The following FUS variants were observed in gnomAD, a reference collection of about 807,000 sequenced individuals.
FUS encodes FUS RNA binding protein, also known as RNA-binding protein FUS.
FUS carries 5 observed loss-of-function variants against 82.7 expected under a neutral mutation model. The ratio of observed to expected loss-of-function variants is 0.06; its 90% CI spans 0.03 to 0.13. The LOEUF (loss-of-function observed/expected upper bound fraction) is 0.13, where lower values mean the gene tolerates loss of function less well. Ranked by LOEUF, FUS falls within the 10% of genes least tolerant of loss-of-function variation. FUS has a pLI of 1.00. For missense variants in FUS, 512 were observed against 707.8 expected, an observed-to-expected ratio of 0.72 and a Z score of 3.14; for synonymous variants, 281 against 247.4, an observed-to-expected ratio of 1.14 and a Z score of -1.27.
rs2079302510 is a variant in FUS at position 31,188,366 on chromosome 16, A to G, written c.832+9A>G. The stretch of plus-strand genomic sequence containing the variant: ...ATCACGTCATGACTCCGGTGAGTTC[A>G]CACGTGGTGGCATGAAAAGAGTGGC... On this transcript the variant is annotated intron_variant, in intron 8 of 14. Coordinates refer to ENST00000254108, the MANE Select transcript of FUS (RefSeq NM_004960.4). The G allele has an allele frequency of 1.9e-6, 3 of 1,613,164 alleles. No individual in the cohort carries two copies. Among genetic ancestry groups the G allele is most frequent in the Non-Finnish European group, 2.5e-6 (3 of 1,179,746 alleles).
downstream of FUS, chr16:31,194,664 G>A (rs1004430396): frequency 1.6e-5 from 8 of 487,514 alleles, no homozygotes; most frequent in Non-Finnish European, 2.8e-5. Context: ...TCCTATTTCT[G>A]TACATGTACA....
At chr16:31,192,952 G>A (rs2079380684), downstream of FUS, 1 of 485,102 alleles carries the variant, frequency 2.1e-6, no homozygotes, top group Non-Finnish European at 4.1e-6. Flanking sequence ...GGTGATTTGA[G>A]GCACAGAAAC....
chr16:31,187,030 C>CTA, intron 7 of FUS, 194 bp downstream of exon 7: 1 of 641,838 alleles, frequency 1.6e-6, no homozygotes, highest in Admixed American at 2.4e-5. Context: ...GGGTAAGACT[C>CTA]AATAGTCATC....
chr16:31,182,654 G>T lies in FUS; in HGVS notation c.180G>T (p.Gln60His). The T allele has an allele frequency of 1.9e-6, 3 of 1,614,216 alleles. No individual in the cohort carries two copies. Among genetic ancestry groups the T allele is most frequent in the East Asian group, 4.5e-5 (2 of 44,884 alleles). ...YGQSSYSSYGQSQNTGYGTQS... is the reference protein window; with the variant it reads ...YGQSSYSSYGHSQNTGYGTQS... ...AGAGCAGCTATTCTTCTTATGGCCA[G>T]AGCCAGAACAGTGAGTCTTTCTCAG... is the stretch of plus-strand genomic sequence containing the variant. The change falls in exon 3 of 15, where the codon CAG becomes CAT. Residue 60 changes from glutamine to histidine, a missense_variant. Around this residue, in one of 6 missense-constraint regions of FUS, gnomAD observed 276 missense variants for 303.3 expected, o/e 0.91. Coordinates refer to ENST00000254108, the MANE Select transcript of FUS (RefSeq NM_004960.4).
intron 9 of FUS, among the ~76,000 whole-genome samples, 198 bp from the exon 10 acceptor site, chr16:31,189,467 A>T (rs2079319820): frequency 6.6e-6 from 1 of 152,218 alleles, no homozygotes; most frequent in African/African-American, 2.4e-5. Flanking sequence ...ACTCTATAGT[A>T]ACTTTTAGTT....
chr16:31,193,144 G>C (rs1234025431), downstream of FUS: 1 of 485,764 alleles, frequency 2.1e-6, no homozygotes, highest in African/African-American at 2.0e-5. Flanking sequence ...GTTTCTCCAT[G>C]TTGGTCAGGC....
intron 3 of FUS, 61 bp from the exon 4 acceptor site, chr16:31,183,797 C>G: frequency 6.2e-7 from 1 of 1,600,906 alleles, no homozygotes. Context: ...TTCTTTAACC[C>G]ATTCCTTACA....
intron 1 of FUS, among the ~76,000 whole-genome samples, chr16:31,181,435 A>T (rs1161223141): frequency 1.3e-5 from 2 of 152,186 alleles, no homozygotes; most frequent in Admixed American, 1.3e-4. Context: ...AAACGGAACC[A>T]TCTGGAGTCC....
chr16:31,180,848 G>T (rs1315961412), intron 1 of FUS, among the ~76,000 whole-genome samples: 11 of 152,198 alleles, frequency 7.2e-5, no homozygotes, highest in Non-Finnish European at 1.6e-4. Flanking sequence ...TAACGGTTTG[G>T]CGGCGGTGGT....
chr16:31,183,553 C>T (rs948753193), intron 3 of FUS: 15 of 418,382 alleles, frequency 3.6e-5, no homozygotes, highest in South Asian at 1.9e-4. Flanking sequence ...AGATACTGCA[C>T]GCACAGCTGC....
chr16:31,186,604 C>T, intron 6 of FUS, 198 bp from the exon 7 acceptor site: 1 of 624,440 alleles, frequency 1.6e-6, no homozygotes, highest in Non-Finnish European at 2.9e-6. Flanking sequence ...TAAACTGTGT[C>T]TGAGAAATTG....
chr16:31,183,059 A>G (rs1196717295), intron 3 of FUS: 3 of 299,192 alleles, frequency 1.0e-5, no homozygotes, highest in African/African-American at 2.2e-5. Context: ...ACTGTTCCAT[A>G]TTTCTTTTCC....
Position 31,190,814 on chromosome 16 carries a change from A to G in FUS, c.1365A>G (p.Pro455=). 6.2e-7 allele frequency: 1 copy of G among 1,614,224 alleles called. No homozygotes were observed. The change falls in exon 13 of 15, where the codon CCA becomes CCG. Residue 455 remains proline, a synonymous_variant. Transcript: ENST00000254108. The part of the protein sequence containing the change: ...NQCKAPKPDG[P]GGGPGGSHMG... ...GTAAGGCCCCTAAACCAGATGGCCC[A>G]GGAGGGGGACCAGGTGGCTCTCACA...
chr16:31,187,867 A>G (rs1174143949), intron 7 of FUS: 1 of 247,802 alleles, frequency 4.0e-6, no homozygotes, highest in African/African-American at 2.2e-5. Flanking sequence ...ATGAAATTAA[A>G]AATTGTTCCA....
At chr16:31,190,231 A>T in intron 11 of FUS, 44 bp from the exon 12 acceptor site, 1 of 1,614,028 alleles carries the variant, frequency 6.2e-7, no homozygotes, top group South Asian at 1.1e-5. Context: ...AGATTTACCA[A>T]ACTTGGAGAG....
intron 6 of FUS, chr16:31,186,597 A>G (rs2079273922): frequency 1.6e-6 from 1 of 617,046 alleles, no homozygotes; most frequent in South Asian, 1.9e-5. Context: ...ATCTTTATAA[A>G]CTGTGTCTGA....
At chr16:31,185,260 T>G in intron 6 of FUS, 81 bp downstream of exon 6, 1 of 1,460,504 alleles carries the variant, frequency 6.8e-7, no homozygotes, top group Non-Finnish European at 9.2e-7. Flanking sequence ...CAGTCCCTAG[T>G]GCATGGTTTA....
At chr16:31,194,640 T>C (rs1567483859), downstream of FUS, 2 of 489,826 alleles carry the variant, frequency 4.1e-6, no homozygotes, top group South Asian at 3.1e-5. Context: ...TGTATATATT[T>C]ATGGGGTACA....
At chr16:31,185,840 C>G (rs1428047963) in intron 6 of FUS, 1 of 274,186 alleles carries the variant, frequency 3.6e-6, no homozygotes, top group African/African-American at 2.1e-5. Flanking sequence ...GCTTGTCCAA[C>G]TGGACCTTCT....
Sources: allele counts gnomAD v4.1 joint callset (sites outside exome capture counted in the v4.1 genomes callset), GRCh38; gene constraint gnomAD v4.1.1; regional missense constraint gnomAD v4.1.1; transcripts MANE v1.5; gene names NCBI Gene and HGNC (gene_info 2026-07-23, HGNC 2026-07-21).